Variants in INTS8 observed in about 807,000 individuals in gnomAD.
The protein encoded by INTS8 is integrator complex subunit 8.
In INTS8, 47 loss-of-function variants were observed where a neutral mutation model predicts 138.9. That is an observed-to-expected ratio of 0.34 (90% CI 0.27 to 0.43). The LOEUF (loss-of-function observed/expected upper bound fraction) is 0.43, where lower values mean the gene tolerates loss of function less well. INTS8 is among the 20% of genes least tolerant of loss of function. The pLI is 1.00. For missense variants in INTS8, 996 were observed against 1,173.0 expected (o/e 0.85, Z 2.20); for synonymous variants, 392 against 400.9 (o/e 0.98, Z 0.27).
chr8:94,841,191 G>A (rs1408547463), intron 8 of INTS8, among the ~76,000 whole-genome samples: 1 of 152,044 alleles, frequency 6.6e-6, no homozygotes, highest in African/African-American at 2.4e-5. Context: ...GATTACAAGC[G>A]TGAGCCACCA....
Position 94,823,289 on chromosome 8 carries a change from C to G in INTS8, c.-143C>G. 1 of 1,519,702 alleles carries G rather than the reference C, an allele frequency of 6.6e-7. No individual in the cohort carries two copies. The highest frequency in any genetic ancestry group is 8.8e-7 in the Non-Finnish European group (1 of 1,135,356). 94.1% of individuals were successfully genotyped at this position (1,519,702 alleles called of 1,614,324 possible). A position where few individuals can be genotyped will look rare whatever the true frequency, so the allele number is the denominator to read the frequency against. ...CGCAGCTCCGGCTGGCCCGCGCCGC[C>G]ATTTTGGATTGTGTGAGTTTCCGGG... On this transcript the variant is annotated 5_prime_UTR_variant, in exon 1 of 27. Coordinates refer to ENST00000523731, the MANE Select transcript of INTS8 (RefSeq NM_017864.4).
At chr8:94,854,061 CTT>C in intron 14 of INTS8, 146 bp downstream of exon 14, 5 of 504,874 alleles carry the variant, frequency 9.9e-6, no homozygotes, top group Non-Finnish European at 1.8e-5. Context: ...ATGGTGAAAC[CTT>C]CTCTCTACTA....
At chr8:94,867,001 A>T (rs1586520519) in intron 18 of INTS8, 139 bp from the exon 19 acceptor site, 1 of 461,438 alleles carries the variant, frequency 2.2e-6, no homozygotes, top group East Asian at 3.1e-5. Context: ...TTAGTGTGCT[A>T]AAGCACATGC....
chr8:94,879,670 C>CTT (rs1816720464), intron 26 of INTS8: 1 of 142,548 alleles, frequency 7.0e-6, no homozygotes, highest in Non-Finnish European at 1.5e-5. Context: ...AGGCCCTAAA[C>CTT]AGTCCATAGC....
In INTS8 at chr8:94,833,023, T is replaced by C. The variant is rs115513147; in HGVS notation, c.753+849T>C. ...CTGGATTATAACTCTTTGACATCTC[T>C]CTCTCTCTCTTTTTTTTTTAATATG... On this transcript the variant is annotated intron_variant, in intron 6 of 26. Coordinates refer to ENST00000523731, the MANE Select transcript of INTS8 (RefSeq NM_017864.4). 4.3e-3 allele frequency among the ~76,000 whole-genome samples: 660 copies of C among 152,098 alleles called. 4 individuals are homozygous for C. Among genetic ancestry groups the C allele is most frequent in the African/African-American group, 0.015 (629 of 41,488 alleles).
chr8:94,825,201 G>C, intron 2 of INTS8, 134 bp downstream of exon 2: 1 of 553,806 alleles, frequency 1.8e-6, no homozygotes, highest in South Asian at 2.3e-5. Context: ...TAATAATCCC[G>C]GCACTTTGGG....
chr8:94,867,228 T>G (rs767185098), intron 19 of INTS8, 32 bp downstream of exon 19: 11 of 1,599,372 alleles, frequency 6.9e-6, no homozygotes, highest in Admixed American at 1.7e-5. Flanking sequence ...TTAGAAAAAT[T>G]TAAAAGAAAT....
intron 20 of INTS8, among the ~76,000 whole-genome samples, chr8:94,871,312 CA>C (rs777906965): frequency 0.71 from 98,574 of 138,816 alleles, 34,169 homozygotes; most frequent in Middle Eastern, 0.82. Flanking sequence ...ACTAAAAATA[CA>C]AAAAAAAAAA....
chr8:94,861,463 G>A (rs369897671), intron 16 of INTS8, among the ~76,000 whole-genome samples: 13 of 151,910 alleles, frequency 8.6e-5, no homozygotes, highest in South Asian at 4.1e-4. Flanking sequence ...GGGTTTCACC[G>A]TGTTAGCCAG....
rs139992804 is a variant in INTS8 at position 94,867,191 on chromosome 8, G to A, written c.2347G>A (p.Val783Ile). Reference protein sequence around the residue: ...ILSLFVKLHNVREDIVNDITA... With the variant: ...ILSLFVKLHNIREDIVNDITA... ...ATCACTCTTTGTGAAACTTCACAAT[G>A]TTCGGGTAAGTATTTCATAATTTCA... Residue 783 changes from valine (V) to isoleucine (I), a missense_variant, in exon 19 of 27, where the codon GTT becomes ATT. Val to Ile is a conservative substitution (Grantham distance 29). Coordinates refer to ENST00000523731, the MANE Select transcript of INTS8 (RefSeq NM_017864.4). The A allele has an allele frequency of 6.2e-7, 1 of 1,609,122 alleles. No individual in the cohort carries two copies. Among genetic ancestry groups the A allele is most frequent in the Admixed American group, 1.7e-5 (1 of 59,636 alleles).
intron 21 of INTS8, among the ~76,000 whole-genome samples, chr8:94,872,458 T>C (rs1237272967): frequency 6.6e-6 from 1 of 152,236 alleles, no homozygotes; most frequent in Non-Finnish European, 1.5e-5. Flanking sequence ...GATCTTGAAC[T>C]CCTGACCTCA....
rs1816469680 is a variant in INTS8, at chr8:94,873,424, G to GT, written c.2585dup (p.Cys863ValfsTer3). 6.2e-7 allele frequency: 1 copy of GT among 1,613,950 alleles called. No homozygotes were observed. Among genetic ancestry groups the GT allele is most frequent in the Non-Finnish European group, 8.5e-7 (1 of 1,179,932 alleles). On this transcript the variant is annotated frameshift_variant, in exon 22 of 27. Transcript: ENST00000523731. LOFTEE classifies it high-confidence loss of function. ...TCACTATTACCTCCAGGCAGGAGCT[G>GT]TGTGTTCTGACTTCTTTAACAAGGC...
chr8:94,849,465 T>G lies in INTS8; in HGVS notation c.1264T>G (p.Cys422Gly). Residue 422 changes from cysteine (C) to glycine (G), a missense_variant, in exon 11 of 27, where the codon TGT becomes GGT. Coordinates refer to ENST00000523731, the MANE Select transcript of INTS8 (RefSeq NM_017864.4). ...TGAAAATTACTCAAATTCCTAGGTA[T>G]GTTCAAGATCAGTAAATTTAGAAAA... Reference protein sequence around the residue: ...KEKIDFLLEVCSRSVNLEKAS... With the variant: ...KEKIDFLLEVGSRSVNLEKAS... The G allele has an allele frequency of 6.7e-7, 1 of 1,488,658 alleles. No homozygotes were observed. The highest frequency in any genetic ancestry group is 9.2e-7 in the Non-Finnish European group (1 of 1,085,914). The allele number at this position is 1,488,658 out of a possible 1,614,324, so 92.2% of individuals were successfully genotyped here.
At chr8:94,835,897 C>T (rs1040944218) in intron 6 of INTS8, among the ~76,000 whole-genome samples, 1 of 152,184 alleles carries the variant, frequency 6.6e-6, no homozygotes, top group African/African-American at 2.4e-5. Flanking sequence ...TGCGCCCAGC[C>T]AGGCTTCTTC....
At chr8:94,871,701 C>T (rs1816403738) in intron 20 of INTS8, among the ~76,000 whole-genome samples, 183 bp from the exon 21 acceptor site, 1 of 152,130 alleles carries the variant, frequency 6.6e-6, no homozygotes, top group African/African-American at 2.4e-5. Context: ...TCATAAAAAG[C>T]CCATCACACT....
rs1586495270 is a variant in INTS8, at chr8:94,849,793, TATC to T, written c.1332-120_1332-118del. ...GGAAATTTTAAAATCTATTTTAAAA[TATC>T]ATTATACAGTTTATGTAATGGTGGC... is the stretch of plus-strand genomic sequence containing the variant. On this transcript the variant is annotated intron_variant, in intron 11 of 26. Transcript: ENST00000523731. 7.5e-6 allele frequency: 5 copies of T among 667,006 alleles called. No individual in the cohort carries two copies. In the East Asian group the frequency reaches 1.2e-4, roughly 16 times the overall value. 41.3% of individuals were successfully genotyped at this position (667,006 alleles called of 1,614,324 possible).
At chr8:94,826,163 G>T (rs1814491839) in intron 2 of INTS8, among the ~76,000 whole-genome samples, 2 of 152,266 alleles carry the variant, frequency 1.3e-5, no homozygotes, top group South Asian at 4.1e-4. Flanking sequence ...TATAAACATT[G>T]TTAAGACACA....
chr8:94,825,123 A>AT, intron 2 of INTS8, 56 bp downstream of exon 2: 2 of 1,197,452 alleles, frequency 1.7e-6, no homozygotes, highest in Non-Finnish European at 2.4e-6. Context: ...ATCTTGGTTT[A>AT]TTTCTATATA....
chr8:94,858,785 T>G (rs1815846392), intron 15 of INTS8, among the ~76,000 whole-genome samples: 1 of 152,212 alleles, frequency 6.6e-6, no homozygotes, highest in Non-Finnish European at 1.5e-5. Context: ...TTTGAATGGG[T>G]GAAAGTTCCT....
Sources: gnomAD v4.1 joint callset for allele counts (sites outside exome capture counted in the v4.1 genomes callset) on GRCh38, gnomAD v4.1.1 for gene constraint, MANE v1.5 for transcripts, NCBI Gene and HGNC (gene_info 2026-07-23, HGNC 2026-07-21) for gene names.